CHRM3: variants seen among roughly 807,000 people sequenced by gnomAD.
CHRM3 encodes cholinergic receptor muscarinic 3, also known as muscarinic acetylcholine receptor M3.
Under a neutral mutation model 41.8 loss-of-function variants are expected in CHRM3, and 11 were observed. The ratio of observed to expected loss-of-function variants is 0.26; its 90% CI spans 0.17 to 0.44. CHRM3 has a LOEUF of 0.44. Ranked by LOEUF, CHRM3 falls within the 20% of genes least tolerant of loss-of-function variation. The pLI, the probability that CHRM3 is intolerant of heterozygous loss-of-function variation, is 1.00. For synonymous variants in CHRM3, 297 were observed against 301.4 expected (o/e 0.99, Z 0.15); for missense variants, 571 against 745.4 (o/e 0.77, Z 2.72).
intron 2 of CHRM3, among the ~76,000 whole-genome samples, chr1:239,534,029 G>A (rs1432408240): frequency 6.6e-6 from 1 of 152,122 alleles, no homozygotes; most frequent in Non-Finnish European, 1.5e-5. Context: ...GTGTTGAAAT[G>A]AAAATGCTCG....
intron 5 of CHRM3, among the ~76,000 whole-genome samples, chr1:239,783,258 A>T (rs890170603): frequency 1.3e-5 from 2 of 151,776 alleles, no homozygotes; most frequent in Non-Finnish European, 2.9e-5. Flanking sequence ...AATATAATTT[A>T]ATATAATAAT....
chr1:239,691,891 A>T (rs1659754585), intron 5 of CHRM3, among the ~76,000 whole-genome samples: 1 of 152,208 alleles, frequency 6.6e-6, no homozygotes, highest in Admixed American at 6.5e-5. Flanking sequence ...GTCTGGAAAG[A>T]TCAACTGTGA....
intron 1 of CHRM3, among the ~76,000 whole-genome samples, chr1:239,420,026 G>GGCTAATTAT (rs912066309): frequency 3.9e-5 from 6 of 152,150 alleles, no homozygotes; most frequent in Admixed American, 2.6e-4. Flanking sequence ...AGGCTAATTA[G>GGCTAATTAT]CCCGCATAAC....
intron 5 of CHRM3, among the ~76,000 whole-genome samples, chr1:239,793,723 G>A (rs1183669032): frequency 6.6e-6 from 1 of 151,150 alleles, no homozygotes; most frequent in African/African-American, 2.4e-5. Context: ...GTTTTCTGAG[G>A]CATTTAGGAA....
At chr1:239,568,853 T>A (rs1032712167) in intron 3 of CHRM3, among the ~76,000 whole-genome samples, 3 of 152,194 alleles carry the variant, frequency 2.0e-5, no homozygotes, top group Non-Finnish European at 2.9e-5. Flanking sequence ...CTGAGAGAAC[T>A]CTGGGCTGTG....
At position 239,911,100 on chromosome 1, in the gene CHRM3, T is replaced by C. The variant is rs1157345345; in HGVS notation, c.*1876T>C. ...TTCCTGTGGCTAAGAAGAAGAAACA[T>C]GTCATCCTGTTGGCATCACCAAGCA... On this transcript the variant is annotated 3_prime_UTR_variant, in exon 7 of 7. Transcript: ENST00000676153. The C allele has an allele frequency of 6.0e-6, 1 of 167,020 alleles. No individual in the cohort carries two copies. The highest frequency in any genetic ancestry group is 2.4e-5 in the African/African-American group (1 of 41,420). The allele number at this position is 167,020 out of a possible 1,614,324, so 10.3% of individuals were successfully genotyped here. A position where few individuals can be genotyped will look rare whatever the true frequency, so the allele number is the denominator to read the frequency against.
At chr1:239,872,700 A>T (rs1676696829) in intron 6 of CHRM3, among the ~76,000 whole-genome samples, 1 of 152,224 alleles carries the variant, frequency 6.6e-6, no homozygotes, top group South Asian at 2.1e-4. Context: ...GAAGTAGAAA[A>T]ATCCGAATGT....
chr1:239,699,077 T>A (rs1572022493), intron 5 of CHRM3, among the ~76,000 whole-genome samples: 1 of 152,350 alleles, frequency 6.6e-6, no homozygotes, highest in East Asian at 1.9e-4. Context: ...GGCATTTTTC[T>A]TTGAAGAGTT....
chr1:239,656,317 A>G lies in CHRM3; in HGVS notation c.-249-21869A>G, dbSNP rs1672710915. On this transcript the variant is annotated intron_variant, in intron 4 of 6. Coordinates refer to ENST00000676153, the MANE Select transcript of CHRM3 (RefSeq NM_001375978.1). ...CCCACCAAATCTAAAATTGTTTAAT[A>G]AAATATTTTTTTTTAAAAAAAGGGT... Among the ~76,000 whole-genome samples the G allele has an allele frequency of 8.6e-5, 11 of 128,164 alleles. 1 individual carries two copies. In the South Asian group the frequency reaches 2.6e-3, roughly 30 times the overall value. The allele number at this position is 128,164 out of a possible 152,430, so 84.1% of individuals were successfully genotyped here. A position where few individuals can be genotyped will look rare whatever the true frequency, so the allele number is the denominator to read the frequency against.
intron 1 of CHRM3, among the ~76,000 whole-genome samples, chr1:239,404,338 AAGAAAG>A (rs1166246980): frequency 2.1e-5 from 3 of 143,934 alleles, no homozygotes; most frequent in South Asian, 2.3e-4. Flanking sequence ...GGAAGGAAGA[AAGAAAG>A]AGAAAGAGAA....
intron 4 of CHRM3, among the ~76,000 whole-genome samples, chr1:239,644,211 G>A (rs905639471): frequency 6.6e-6 from 1 of 152,148 alleles, no homozygotes; most frequent in Non-Finnish European, 1.5e-5. Flanking sequence ...CACTAAAAGA[G>A]CATATCAGCT....
intron 6 of CHRM3, among the ~76,000 whole-genome samples, chr1:239,839,109 T>A (rs1437143898): frequency 6.6e-6 from 1 of 152,134 alleles, no homozygotes; most frequent in Non-Finnish European, 1.5e-5. Context: ...TCAAAATACT[T>A]TTTCCTCCAA....
At chr1:239,670,631 G>T (rs2149055705) in intron 4 of CHRM3, among the ~76,000 whole-genome samples, 1 of 152,124 alleles carries the variant, frequency 6.6e-6, no homozygotes, top group South Asian at 2.1e-4. Flanking sequence ...AGATTCAAGA[G>T]ATTCTCCTGC....
At chr1:239,439,747 C>A (rs1394413989) in intron 1 of CHRM3, among the ~76,000 whole-genome samples, 3 of 152,000 alleles carry the variant, frequency 2.0e-5, no homozygotes, top group South Asian at 2.1e-4. Flanking sequence ...GGTCTTTGTA[C>A]CTGAGTGGTG....
At chr1:239,842,309 C>CCT (rs1000688079) in intron 6 of CHRM3, among the ~76,000 whole-genome samples, 21 of 152,040 alleles carry the variant, frequency 1.4e-4, no homozygotes, top group African/African-American at 4.8e-4. Context: ...GCTAACTCCA[C>CCT]CTCTCGGACT....
intron 5 of CHRM3, among the ~76,000 whole-genome samples, chr1:239,684,387 T>C (rs1305906028): frequency 6.6e-6 from 1 of 151,952 alleles, no homozygotes; most frequent in African/African-American, 2.4e-5. Context: ...AGTTTACAAA[T>C]GCAAATAAGA....
intron 6 of CHRM3, among the ~76,000 whole-genome samples, chr1:239,874,295 A>ATATATATACATCTATATACACAG (rs1553291881): frequency 1.2e-4 from 9 of 73,162 alleles, no homozygotes; most frequent in Non-Finnish European, 2.1e-4. Flanking sequence ...GTATATATAT[A>ATATATATACATCTATATACACAG]TATATATATA....
chr1:239,908,738 C>T lies in CHRM3; in HGVS notation c.1287C>T (p.Ile429=). The T allele has an allele frequency of 6.2e-7, 1 of 1,613,812 alleles. No individual in the cohort carries two copies. Among genetic ancestry groups the T allele is most frequent in the East Asian group, 2.2e-5 (1 of 44,842 alleles). The part of the protein sequence containing the change: ...SFPKSFSKLP[I]QLESAVDTAK... ...CAAAAAGCTTCTCCAAGCTTCCCAT[C>T]CAGCTAGAGTCAGCCGTGGACACAG... Residue 429 remains isoleucine, a synonymous_variant, in exon 7 of 7, where the codon ATC becomes ATT. Coordinates refer to ENST00000676153, the MANE Select transcript of CHRM3 (RefSeq NM_001375978.1). This position sits in a 1 kb window ranked among gnomAD's most constrained non-coding sequence, Gnocchi z 7.2.
At chr1:239,430,133 A>AT (rs1449673356) in intron 1 of CHRM3, among the ~76,000 whole-genome samples, 2 of 151,392 alleles carry the variant, frequency 1.3e-5, no homozygotes, top group Non-Finnish European at 2.9e-5. Flanking sequence ...CACCTGGCTA[A>AT]TTTTTTGTAT....
Sources: gnomAD v4.1 joint callset for allele counts (sites outside exome capture counted in the v4.1 genomes callset) on GRCh38, gnomAD v4.1.1 for gene constraint, Gnocchi (gnomAD v3.1) non-coding constraint, MANE v1.5 for transcripts, NCBI Gene and HGNC (gene_info 2026-07-23, HGNC 2026-07-21) for gene names.